The following STAM2 variants were observed in gnomAD, a reference collection of about 807,000 sequenced individuals.
The protein encoded by STAM2 is signal transducing adaptor molecule 2.
A neutral mutation model predicts 65.6 loss-of-function variants in STAM2; 51 were observed. That is an observed-to-expected ratio of 0.78 (90% CI 0.62 to 0.98). The LOEUF is 0.98. Among genes scored for constraint, STAM2 ranks in the 50% least tolerant of loss-of-function variants. The pLI is 0.00. For synonymous variants in STAM2, 198 were observed against 208.4 expected, an observed-to-expected ratio of 0.95 and a Z score of 0.43; for missense variants, 584 against 617.8, an observed-to-expected ratio of 0.95 and a Z score of 0.58.
chr2:152,142,065 A>C (rs1235051253), intron 7 of STAM2, among the ~76,000 whole-genome samples: 1 of 152,202 alleles, frequency 6.6e-6, no homozygotes, highest in East Asian at 1.9e-4. Context: ...TTTAGCATGC[A>C]AGTTTGCATT....
At chr2:152,140,547 T>C (rs892480279) in intron 7 of STAM2, among the ~76,000 whole-genome samples, 1 of 152,204 alleles carries the variant, frequency 6.6e-6, no homozygotes, top group Non-Finnish European at 1.5e-5. Context: ...ATTTCTACCA[T>C]GAACATATAA....
chr2:152,126,289 T>C lies in STAM2; in HGVS notation c.1116A>G (p.Ser372=). 6.2e-7 allele frequency: 1 copy of C among 1,611,220 alleles called. No homozygotes were observed. Residue 372 remains serine, a synonymous_variant, in exon 12 of 14, where the codon TCA becomes TCG. Coordinates refer to ENST00000263904, the MANE Select transcript of STAM2 (RefSeq NM_005843.6). ...CTGGAGGGTGGAGCTTTGAATAGACTGAGTACACTGGTGCTTCATTCACCA... is the reference window on the plus strand; with the variant it reads ...CTGGAGGGTGGAGCTTTGAATAGACCGAGTACACTGGTGCTTCATTCACCA... ...NKLVNEAPVY[S]VYSKLHPPAH...
At chr2:152,130,571 A>G (rs1020830261) in intron 11 of STAM2, among the ~76,000 whole-genome samples, 2 of 151,668 alleles carry the variant, frequency 1.3e-5, no homozygotes, top group Non-Finnish European at 2.9e-5. Context: ...TTAAAGGACA[A>G]TAAGGGACAG....
chr2:152,159,110 T>TATATATATATATAC (rs575009275), intron 1 of STAM2, among the ~76,000 whole-genome samples: 5 of 129,226 alleles, frequency 3.9e-5, no homozygotes, highest in African/African-American at 1.3e-4. Context: ...TATATATATA[T>TATATATATATATAC]ACACACACAG....
At chr2:152,120,909 C>T (rs1285167254) in intron 13 of STAM2, 107 bp from the exon 14 acceptor site, 13 of 760,392 alleles carry the variant, frequency 1.7e-5, no homozygotes, top group South Asian at 1.1e-4. Flanking sequence ...TTTAAGCTTA[C>T]GTAGCTCTGC....
At chr2:152,124,441 A>T (rs930748377) in intron 12 of STAM2, 8 of 152,690 alleles carry the variant, frequency 5.2e-5, no homozygotes, top group African/African-American at 1.9e-4. Flanking sequence ...TGTCTACCTT[A>T]TTCTCTACCT....
At chr2:152,149,864 G>A (rs1689410235) in intron 2 of STAM2, among the ~76,000 whole-genome samples, 1 of 151,990 alleles carries the variant, frequency 6.6e-6, no homozygotes, top group South Asian at 2.1e-4. Context: ...CATATATTTT[G>A]TATATACATA....
Position 152,118,791 on chromosome 2 carries a change from G to C in STAM2, c.*1783C>G, listed in dbSNP as rs1345093430. On this transcript the variant is annotated 3_prime_UTR_variant, in exon 14 of 14. Coordinates refer to ENST00000263904, the MANE Select transcript of STAM2 (RefSeq NM_005843.6). Reference sequence around the variant, plus strand: ...AGGTGCCATTCAGAAGTATATAATTGAATTAACATAAAGGAAAATACTGAA... The same window carrying C: ...AGGTGCCATTCAGAAGTATATAATTCAATTAACATAAAGGAAAATACTGAA... 7 of 151,670 alleles carry C rather than the reference G, an allele frequency of 4.6e-5. No homozygotes were observed. Among genetic ancestry groups the C allele is most frequent in the African/African-American group, 7.3e-5 (3 of 41,312 alleles). 9.4% of individuals were successfully genotyped at this position (151,670 alleles called of 1,614,324 possible).
rs748208971 is a variant in STAM2 at position 152,120,690 on chromosome 2, A to C, written c.1462T>G (p.Ser488Ala). 2 of 1,614,182 alleles carry C rather than the reference A, an allele frequency of 1.2e-6. No individual in the cohort carries two copies. The highest frequency in any genetic ancestry group is 8.5e-7 in the Non-Finnish European group (1 of 1,180,032). ...TQQMGMSVDM[S>A]SYQNTTSNLP... ...TTGGAAGTAGTGTTCTGATAAGATG[A>C]CATATCCACAGACATCCCCATTTGC... The change falls in exon 14 of 14, where the codon TCA becomes GCA. Residue 488 changes from serine (S) to alanine (A), a missense_variant. Coordinates refer to ENST00000263904, the MANE Select transcript of STAM2 (RefSeq NM_005843.6).
intron 1 of STAM2, among the ~76,000 whole-genome samples, chr2:152,172,609 C>T (rs1689916435): frequency 6.6e-6 from 1 of 152,104 alleles, no homozygotes; most frequent in Non-Finnish European, 1.5e-5. Flanking sequence ...TGGCTCACGC[C>T]TGTAATCTCA....
At chr2:152,137,436 G>A (rs913863541) in intron 7 of STAM2, among the ~76,000 whole-genome samples, 4 of 151,394 alleles carry the variant, frequency 2.6e-5, no homozygotes, top group South Asian at 2.1e-4. Flanking sequence ...CTTTTTTTTC[G>A]TATTTTTGCC....
chr2:152,144,827 G>A (rs538292426), intron 6 of STAM2, 61 bp downstream of exon 6: 75 of 1,464,060 alleles, frequency 5.1e-5, no homozygotes, highest in Admixed American at 2.2e-4. Context: ...GTGAGCCACC[G>A]CGCCCAGCCC....
chr2:152,173,887 C>T (rs1315752058), intron 1 of STAM2, among the ~76,000 whole-genome samples: 1 of 152,140 alleles, frequency 6.6e-6, no homozygotes, highest in African/African-American at 2.4e-5. Flanking sequence ...CCTTAAAATG[C>T]CTTTGGGGTT....
intron 7 of STAM2, among the ~76,000 whole-genome samples, chr2:152,143,565 A>G (rs1689287504): frequency 6.6e-6 from 1 of 152,226 alleles, no homozygotes; most frequent in African/African-American, 2.4e-5. Context: ...GAGTATTTAC[A>G]TGTTTCCCAA....
chr2:152,148,905 C>T (rs1476970656), intron 2 of STAM2, among the ~76,000 whole-genome samples: 1 of 151,970 alleles, frequency 6.6e-6, no homozygotes, highest in Non-Finnish European at 1.5e-5. Flanking sequence ...ACAGGTTTAG[C>T]TTTCAAACAG....
At chr2:152,159,360 T>A (rs1689616659) in intron 1 of STAM2, among the ~76,000 whole-genome samples, 2 of 151,166 alleles carry the variant, frequency 1.3e-5, no homozygotes, top group African/African-American at 2.4e-5. Context: ...AACCAGAAAA[T>A]GAAAAACAAG....
At chr2:152,164,712 G>T (rs1339706961) in intron 1 of STAM2, among the ~76,000 whole-genome samples, 2 of 152,128 alleles carry the variant, frequency 1.3e-5, no homozygotes, top group Admixed American at 6.5e-5. Context: ...ATGGAATACA[G>T]ATCAGTCATT....
chr2:152,142,398 A>G (rs1233435855), intron 7 of STAM2, among the ~76,000 whole-genome samples: 5 of 152,342 alleles, frequency 3.3e-5, no homozygotes, highest in African/African-American at 7.2e-5. Context: ...TCATAGTTGT[A>G]TAAGAGTATC....
Position 152,157,123 on chromosome 2 carries a change from T to A in STAM2, c.41-6894A>T, listed in dbSNP as rs192420893. ...CCAAGTAGAAGAGGACTAGCCCAAG[T>A]AGAGAAGGACTAGCCCAAGAAGAGC... On this transcript the variant is annotated intron_variant, in intron 1 of 13. Transcript: ENST00000263904. Among the ~76,000 whole-genome samples the A allele has an allele frequency of 4.6e-5, 7 of 152,114 alleles. No homozygotes were observed. The East Asian group carries it at 1.4e-3, about 29-fold the overall frequency.
Sources: gnomAD v4.1 joint callset for allele counts (sites outside exome capture counted in the v4.1 genomes callset) on GRCh38, gnomAD v4.1.1 for gene constraint, MANE v1.5 for transcripts, NCBI Gene and HGNC (gene_info 2026-07-23, HGNC 2026-07-21) for gene names.